The following EPHA6 variants were observed in gnomAD, a reference collection of about 807,000 sequenced individuals.
EPHA6 encodes EPH receptor A6.
A neutral mutation model predicts 112.0 loss-of-function variants in EPHA6; 50 were observed. The observed-to-expected ratio is 0.45, with a 90% confidence interval of 0.36 to 0.56. EPHA6 has a LOEUF of 0.56. EPHA6 is among the 20% of genes least tolerant of loss of function. The pLI, the probability that EPHA6 is intolerant of heterozygous loss-of-function variation, is 0.00. For missense variants in EPHA6, 1,280 were observed against 1,417.4 expected, an observed-to-expected ratio of 0.90 and a Z score of 1.56; for synonymous variants, 529 against 490.7, an observed-to-expected ratio of 1.08 and a Z score of -1.03.
intron 10 of EPHA6, among the ~76,000 whole-genome samples, chr3:97,506,553 G>A (rs1461769670): frequency 6.6e-6 from 1 of 152,076 alleles, no homozygotes; most frequent in Non-Finnish European, 1.5e-5. Flanking sequence ...ATCTGTTTTG[G>A]TACCAGTACC....
chr3:97,187,580 G>C (rs553157552), intron 3 of EPHA6, among the ~76,000 whole-genome samples: 2 of 45,372 alleles, frequency 4.4e-5, no homozygotes, highest in South Asian at 7.4e-4. Context: ...GTCTCAAAAC[G>C]TCAAAAAAAA....
intron 6 of EPHA6, among the ~76,000 whole-genome samples, chr3:97,426,023 C>G (rs141360703): frequency 6.6e-6 from 1 of 152,154 alleles, no homozygotes; most frequent in Non-Finnish European, 1.5e-5. Flanking sequence ...CAACAAACCT[C>G]TAGGAAGTTC....
At chr3:97,004,076 G>T (rs1036915060) in intron 3 of EPHA6, among the ~76,000 whole-genome samples, 1 of 152,070 alleles carries the variant, frequency 6.6e-6, no homozygotes, top group African/African-American at 2.4e-5. Context: ...CCATGTCTTT[G>T]CTATTGTAAA....
Position 97,363,206 on chromosome 3 carries a change from AT to A in EPHA6, c.1607-41943del, listed in dbSNP as rs2084485927. On this transcript the variant is annotated intron_variant, in intron 5 of 17. Coordinates refer to ENST00000389672, the MANE Select transcript of EPHA6 (RefSeq NM_001080448.3). Reference sequence around the variant, plus strand: ...TATATATATATATATATATATATATATATATATATATATATATATATATATA... The same window carrying A: ...TATATATATATATATATATATATATAATATATATATATATATATATATATA... Among the ~76,000 whole-genome samples, 6 of 86,250 alleles carry A rather than the reference AT, an allele frequency of 7.0e-5. 1 individual carries two copies. The highest frequency in any genetic ancestry group is 4.5e-4 in the Admixed American group (4 of 8,964). 56.6% of individuals were successfully genotyped at this position (86,250 alleles called of 152,430 possible). A position where few individuals can be genotyped will look rare whatever the true frequency, so the allele number is the denominator to read the frequency against.
rs538994595 is a variant in EPHA6, at chr3:97,503,084, A to C, written c.2200+19025A>C. ...CTGATAAAAATATTTAAAAATCAAT[A>C]GGAAAATACTATAAACAGCTTTGTT... On this transcript the variant is annotated intron_variant, in intron 10 of 17. Transcript: ENST00000389672. Among the ~76,000 whole-genome samples the C allele has an allele frequency of 3.9e-5, 6 of 152,156 alleles. No homozygotes were observed. In the East Asian group the frequency reaches 1.2e-3, roughly 29 times the overall value.
chr3:97,080,479 G>T (rs1192401989), intron 3 of EPHA6, among the ~76,000 whole-genome samples: 1 of 152,018 alleles, frequency 6.6e-6, no homozygotes, highest in Non-Finnish European at 1.5e-5. Flanking sequence ...AACTATTTTT[G>T]CAGGAGGCAT....
intron 15 of EPHA6, among the ~76,000 whole-genome samples, chr3:97,724,523 C>G (rs2034671954): frequency 6.6e-6 from 1 of 152,034 alleles, no homozygotes; most frequent in East Asian, 1.9e-4. Flanking sequence ...ATAATCAATG[C>G]TTTGGGAGGC....
rs78902339 is a variant in EPHA6 at position 97,008,647 on chromosome 3, C to T, written c.1114+20654C>T. ...ATCTTATCCTCCATCTAGTTCTGTGCCCTTGATGGAGAGATGCTGTAATCA... is the reference window on the plus strand; with the variant it reads ...ATCTTATCCTCCATCTAGTTCTGTGTCCTTGATGGAGAGATGCTGTAATCA... On this transcript the variant is annotated intron_variant, in intron 3 of 17. Transcript: ENST00000389672. Among the ~76,000 whole-genome samples, 834 of 152,280 alleles carry T rather than the reference C, an allele frequency of 5.5e-3. 13 individuals carry two copies. Among genetic ancestry groups the T allele is most frequent in the African/African-American group, 0.019 (779 of 41,550 alleles).
chr3:97,304,927 G>A (rs2081252761), intron 5 of EPHA6, among the ~76,000 whole-genome samples: 1 of 152,000 alleles, frequency 6.6e-6, no homozygotes, highest in African/African-American at 2.4e-5. Context: ...CACAGAAAAA[G>A]AAACTATCAT....
intron 3 of EPHA6, among the ~76,000 whole-genome samples, chr3:97,023,889 T>C (rs1388673171): frequency 6.6e-6 from 1 of 152,220 alleles, no homozygotes; most frequent in Non-Finnish European, 1.5e-5. Context: ...TTGATTTTTA[T>C]GCATTTTAAT....
chr3:97,556,866 G>A (rs770128698), intron 11 of EPHA6, among the ~76,000 whole-genome samples: 4 of 152,124 alleles, frequency 2.6e-5, no homozygotes, highest in Non-Finnish European at 5.9e-5. Flanking sequence ...TAAATAAAAC[G>A]ATTATTTCTC....
chr3:97,310,159 A>G (rs2081490003), intron 5 of EPHA6, among the ~76,000 whole-genome samples: 1 of 151,542 alleles, frequency 6.6e-6, no homozygotes. Flanking sequence ...CTCTCTTTCT[A>G]CATTTTCAAT....
chr3:97,229,568 A>T (rs1447183258), intron 4 of EPHA6, among the ~76,000 whole-genome samples: 2 of 152,108 alleles, frequency 1.3e-5, no homozygotes, highest in African/African-American at 4.8e-5. Context: ...CTTCCTGGTG[A>T]TGAATTGGTA....
At chr3:97,527,685 GA>G (rs201582906) in intron 10 of EPHA6, among the ~76,000 whole-genome samples, 2,942 of 152,016 alleles carry the variant, frequency 0.019, 37 homozygotes, top group Non-Finnish European at 0.029. Flanking sequence ...TTGCATTTGG[GA>G]AAAAAAGTGA....
intron 2 of EPHA6, among the ~76,000 whole-genome samples, chr3:96,884,460 A>G (rs2107520900): frequency 6.6e-6 from 1 of 152,018 alleles, no homozygotes; most frequent in East Asian, 1.9e-4. Context: ...ATTCCTGAGT[A>G]TTTTATTATT....
At chr3:97,054,521 A>G (rs2045790034) in intron 3 of EPHA6, among the ~76,000 whole-genome samples, 1 of 151,988 alleles carries the variant, frequency 6.6e-6, no homozygotes, top group Admixed American at 6.6e-5. Context: ...ACAGAATGGC[A>G]TAAAATATGA....
intron 13 of EPHA6, among the ~76,000 whole-genome samples, chr3:97,611,839 T>A (rs2093722880): frequency 6.6e-6 from 1 of 152,002 alleles, no homozygotes; most frequent in Admixed American, 6.6e-5. Flanking sequence ...ATAAGTTCTG[T>A]TTGCATCTCA....
intron 3 of EPHA6, among the ~76,000 whole-genome samples, chr3:97,097,447 T>C (rs759159566): frequency 5.3e-5 from 8 of 151,752 alleles, no homozygotes; most frequent in Admixed American, 1.3e-4. Flanking sequence ...AGGTTTTACA[T>C]TGAAAGCATT....
intron 2 of EPHA6, among the ~76,000 whole-genome samples, chr3:96,877,903 ATG>A (rs1197369164): frequency 7.1e-6 from 1 of 141,514 alleles, no homozygotes; most frequent in Non-Finnish European, 1.5e-5. Flanking sequence ...TGTATATAGT[ATG>A]TGTGTGTGTA....
Sources: allele counts gnomAD v4.1 joint callset (sites outside exome capture counted in the v4.1 genomes callset), GRCh38; gene constraint gnomAD v4.1.1; transcripts MANE v1.5; gene names NCBI Gene and HGNC (gene_info 2026-07-23, HGNC 2026-07-21).